The following KLRG2 variants were observed in gnomAD, a reference collection of about 807,000 sequenced individuals.
KLRG2 encodes the protein killer cell lectin like receptor G2.
KLRG2 carries 39 observed loss-of-function variants against 35.4 expected under a neutral mutation model. That is an observed-to-expected ratio of 1.10 (90% CI 0.85 to 1.44). The LOEUF is 1.44. Among genes scored for constraint, KLRG2 ranks in the 40% most tolerant of loss-of-function variants. The pLI is 0.00. For missense variants in KLRG2, 632 were observed against 570.9 expected (o/e 1.11, Z -1.09); for synonymous variants, 283 against 265.8 (o/e 1.06, Z -0.63).
At chr7:139,462,463 C>T (rs1796584942) in intron 3 of KLRG2, among the ~76,000 whole-genome samples, 1 of 152,098 alleles carries the variant, frequency 6.6e-6, no homozygotes, top group African/African-American at 2.4e-5. Flanking sequence ...CTCCGTGTCT[C>T]TACCCTCTCT....
At chr7:139,441,832 A>G in the KLRG2 span, among the ~76,000 whole-genome samples, 59,412 of 151,990 alleles carry the variant, frequency 0.39, 16,449 homozygotes, top group African/African-American at 0.79. Flanking sequence ...GTTCTGAACC[A>G]AGGCTGGCTA....
chr7:139,433,110 T>C, the KLRG2 span, among the ~76,000 whole-genome samples: 3 of 152,240 alleles, frequency 2.0e-5, no homozygotes, highest in African/African-American at 7.2e-5. Context: ...ATAATGTTTA[T>C]ACTGCTGTTT....
At chr7:139,432,367 G>GA in the KLRG2 span, among the ~76,000 whole-genome samples, 7 of 147,126 alleles carry the variant, frequency 4.8e-5, no homozygotes, top group Non-Finnish European at 9.0e-5. Flanking sequence ...AAAAGAAAAA[G>GA]AAAAAAAAAA....
chr7:139,470,191 G>A (rs531193246), intron 3 of KLRG2, among the ~76,000 whole-genome samples: 13 of 151,940 alleles, frequency 8.6e-5, no homozygotes, highest in Admixed American at 2.6e-4. Context: ...CCAAGTAGCC[G>A]GGACTACATG....
chr7:139,481,937 AAG>A (rs1245023554), intron 1 of KLRG2, among the ~76,000 whole-genome samples: 1 of 152,046 alleles, frequency 6.6e-6, no homozygotes, highest in Admixed American at 6.6e-5. Context: ...TTAAAAAAAA[AAG>A]AAAGAAAAAA....
At chr7:139,445,769 A>G in the KLRG2 span, among the ~76,000 whole-genome samples, 34 of 119,524 alleles carry the variant, frequency 2.8e-4, 1 homozygote, top group Non-Finnish European at 4.8e-4. Context: ...ATGTGTATGT[A>G]TATATATATA....
intron 1 of KLRG2, among the ~76,000 whole-genome samples, chr7:139,481,969 G>T (rs181887829): frequency 9.2e-5 from 14 of 151,984 alleles, no homozygotes; most frequent in Admixed American, 8.5e-4. Flanking sequence ...AAAAAAATTG[G>T]CTATCTCTTG....
chr7:139,457,212 G>A (rs1201726988), intron 3 of KLRG2, among the ~76,000 whole-genome samples: 1 of 152,142 alleles, frequency 6.6e-6, no homozygotes, highest in East Asian at 1.9e-4. Context: ...GGGACACACT[G>A]GGGCCCAGGG....
In KLRG2 at chr7:139,483,344, A is replaced by G; in HGVS notation, c.299T>C (p.Leu100Ser). 3 of 1,543,570 alleles carry G rather than the reference A, an allele frequency of 1.9e-6. No individual in the cohort carries two copies. Among genetic ancestry groups the G allele is most frequent in the Non-Finnish European group, 2.6e-6 (3 of 1,154,792 alleles). ...CTCGCCATTCCGGGGCAGCTTGACCAAGGCAGGGCCCGGTGACGGCGGCTC... is the reference window on the plus strand; with the variant it reads ...CTCGCCATTCCGGGGCAGCTTGACCGAGGCAGGGCCCGGTGACGGCGGCTC... ...CPEPPSPGPA[L>S]VKLPRNGEAP... Residue 100 changes from leucine to serine, a missense_variant, in exon 1 of 5, where the codon TTG becomes TCG. Coordinates refer to ENST00000340940, the MANE Select transcript of KLRG2 (RefSeq NM_198508.4).
At chr7:139,471,017 T>G (rs947215199) in intron 3 of KLRG2, among the ~76,000 whole-genome samples, 1 of 148,596 alleles carries the variant, frequency 6.7e-6, no homozygotes, top group Non-Finnish European at 1.5e-5. Flanking sequence ...TAATTTTTGT[T>G]TTTTTTTTTT....
chr7:139,478,149 G>A (rs1404593641), intron 3 of KLRG2, among the ~76,000 whole-genome samples: 2 of 149,626 alleles, frequency 1.3e-5, no homozygotes, highest in African/African-American at 2.5e-5. Flanking sequence ...TGGGAGGATC[G>A]CTTGAGTCCA....
chr7:139,434,203 A>T, the KLRG2 span, among the ~76,000 whole-genome samples: 3 of 152,220 alleles, frequency 2.0e-5, no homozygotes, highest in Non-Finnish European at 2.9e-5. Flanking sequence ...ATTGCTTGTC[A>T]AGTACATCCT....
At chr7:139,438,068 T>C in the KLRG2 span, among the ~76,000 whole-genome samples, 56,679 of 152,088 alleles carry the variant, frequency 0.37, 14,371 homozygotes, top group African/African-American at 0.72. Context: ...TAAGACTATG[T>C]CTGCCTATCC....
chr7:139,440,357 C>T, the KLRG2 span, among the ~76,000 whole-genome samples: 1 of 148,908 alleles, frequency 6.7e-6, no homozygotes, highest in Non-Finnish European at 1.5e-5. Context: ...TGTGAGCCTC[C>T]CACCTCAGCC....
At chr7:139,455,543 G>C (rs375260937) in intron 3 of KLRG2, among the ~76,000 whole-genome samples, 1 of 151,448 alleles carries the variant, frequency 6.6e-6, no homozygotes, top group Non-Finnish European at 1.5e-5. Context: ...AGATGGTCTC[G>C]ATCTCCTGAC....
intron 3 of KLRG2, among the ~76,000 whole-genome samples, chr7:139,456,784 T>C (rs997529277): frequency 2.6e-5 from 4 of 152,344 alleles, no homozygotes; most frequent in Middle Eastern, 3.4e-3. Flanking sequence ...ACCACTCATG[T>C]GCTGCCTTCT....
rs772291216 is a variant in KLRG2, at chr7:139,482,993, G to C, written c.650C>G (p.Thr217Arg). The change falls in exon 1 of 5, where the codon ACG becomes AGG. Residue 217 changes from threonine (T) to arginine (R), a missense_variant. Coordinates refer to ENST00000340940, the MANE Select transcript of KLRG2 (RefSeq NM_198508.4). ...CCCCAGCTCCTTGCAGCGGCAGCAC[G>C]TGGGGGAGCCCGGGGAGCCGGCGCT... is the stretch of plus-strand genomic sequence containing the variant. ...EGSAGSPGSP[T>R]CCRCKELGLE... 7.2e-7 allele frequency: 1 copy of C among 1,393,976 alleles called. No homozygotes were observed. The highest frequency in any genetic ancestry group is 1.6e-5 in the South Asian group (1 of 61,996). 86.4% of individuals were successfully genotyped at this position (1,393,976 alleles called of 1,614,324 possible). A position where few individuals can be genotyped will look rare whatever the true frequency, so the allele number is the denominator to read the frequency against.
intron 3 of KLRG2, among the ~76,000 whole-genome samples, chr7:139,468,134 T>C (rs1261816297): frequency 6.6e-6 from 1 of 152,096 alleles, no homozygotes; most frequent in East Asian, 1.9e-4. Flanking sequence ...CTGCTGACCT[T>C]CTCTCCACTA....
chr7:139,457,678 G>A (rs1026649296), intron 3 of KLRG2, among the ~76,000 whole-genome samples: 1 of 152,092 alleles, frequency 6.6e-6, no homozygotes, highest in Non-Finnish European at 1.5e-5. Flanking sequence ...AGAGCCCCAA[G>A]CTATCTGCCT....
Sources: allele counts gnomAD v4.1 joint callset (sites outside exome capture counted in the v4.1 genomes callset), GRCh38; gene constraint gnomAD v4.1.1; transcripts MANE v1.5; gene names NCBI Gene and HGNC (gene_info 2026-07-23, HGNC 2026-07-21).